GALNT18: variants seen among roughly 807,000 people sequenced by gnomAD.
GALNT18 encodes polypeptide N-acetylgalactosaminyltransferase 18.
A neutral mutation model predicts 69.5 loss-of-function variants in GALNT18; 44 were observed. The ratio of observed to expected loss-of-function variants is 0.63; its 90% CI spans 0.50 to 0.81. The LOEUF (loss-of-function observed/expected upper bound fraction) is 0.81. GALNT18 is among the 40% of genes least tolerant of loss of function. The probability of loss-of-function intolerance (pLI) is 0.00; values close to 1 mark genes in which losing one functional copy is unlikely to be tolerated. For missense variants in GALNT18, 715 were observed against 810.0 expected, an observed-to-expected ratio of 0.88 and a Z score of 1.42; for synonymous variants, 364 against 318.2, an observed-to-expected ratio of 1.14 and a Z score of -1.53.
chr11:11,350,890 G>A (rs1850388685), intron 6 of GALNT18, among the ~76,000 whole-genome samples: 2 of 152,336 alleles, frequency 1.3e-5, no homozygotes, highest in Admixed American at 6.5e-5. Flanking sequence ...TCAGGGGACT[G>A]TGTGAGCAAA....
rs1021541787 is a variant in GALNT18 at position 11,315,430 on chromosome 11, T to G, written c.1512+11656A>C. Among the ~76,000 whole-genome samples the G allele has an allele frequency of 1.3e-5, 2 of 152,090 alleles. No homozygotes were observed. Among genetic ancestry groups the G allele is most frequent in the Non-Finnish European group, 2.9e-5 (2 of 68,028 alleles). ...CTGAGCTCTGGAACACAGGCAAGGATACGTTAGGCATGGGTCTTCATGGAT... is the reference window on the plus strand; with the variant it reads ...CTGAGCTCTGGAACACAGGCAAGGAGACGTTAGGCATGGGTCTTCATGGAT... On this transcript the variant is annotated intron_variant, in intron 9 of 10. Coordinates refer to ENST00000227756, the MANE Select transcript of GALNT18 (RefSeq NM_198516.3). This position sits in a 1 kb window ranked among gnomAD's most constrained non-coding sequence, Gnocchi z 5.6.
At position 11,497,327 on chromosome 11, in the gene GALNT18, AACACACACACACACACACACAC is replaced by A. The variant is rs61001797; in HGVS notation, c.236-48413_236-48392del. Among the ~76,000 whole-genome samples, 1 of 132,230 alleles carries A rather than the reference AACACACACACACACACACACAC, an allele frequency of 7.6e-6. No individual in the cohort carries two copies. The highest frequency in any genetic ancestry group is 1.6e-5 in the Non-Finnish European group (1 of 63,204). 86.7% of individuals were successfully genotyped at this position (132,230 alleles called of 152,430 possible). On this transcript the variant is annotated intron_variant, in intron 1 of 10. Coordinates refer to ENST00000227756, the MANE Select transcript of GALNT18 (RefSeq NM_198516.3). The surrounding 1 kb of genome is among the most constrained non-coding windows in gnomAD (Gnocchi z 4.2). The stretch of plus-strand genomic sequence containing the variant: ...TATTTATGTTTTACCTCCTGTCTCC[AACACACACACACACACACACAC>A]ACACACACACACACACACACACCCC...
intron 1 of GALNT18, among the ~76,000 whole-genome samples, chr11:11,514,879 G>A (rs1857240247): frequency 6.6e-6 from 1 of 152,196 alleles, no homozygotes; most frequent in Non-Finnish European, 1.5e-5. Flanking sequence ...CAGAGGTTTG[G>A]TTGCTCATGG....
intron 1 of GALNT18, chr11:11,476,566 AGCTC>A (rs1297243945): frequency 6.6e-6 from 1 of 152,212 alleles, no homozygotes; most frequent in African/African-American, 2.4e-5. Context: ...TGCTATGGAC[AGCTC>A]CGGTGACAAG....
intron 3 of GALNT18, among the ~76,000 whole-genome samples, chr11:11,407,616 A>T (rs11021837): frequency 0.35 from 53,388 of 152,094 alleles, 10,127 homozygotes; most frequent in East Asian, 0.69. Context: ...GATTTAGGGG[A>T]CAGGAGAGGA....
intron 9 of GALNT18, among the ~76,000 whole-genome samples, chr11:11,325,575 A>G (rs1849902807): frequency 6.6e-6 from 1 of 152,226 alleles, no homozygotes; most frequent in Non-Finnish European, 1.5e-5. Flanking sequence ...AAGAAAATAT[A>G]TATTATATAG....
chr11:11,457,398 G>T (rs984297061), intron 1 of GALNT18, among the ~76,000 whole-genome samples: 1 of 152,214 alleles, frequency 6.6e-6, no homozygotes, highest in African/African-American at 2.4e-5. Flanking sequence ...GTGGTTTTTT[G>T]GAGGAACTGC....
At position 11,444,887 on chromosome 11, in the gene GALNT18, A is replaced by C. The variant is rs750748958; in HGVS notation, c.428+3857T>G. Among the ~76,000 whole-genome samples, 4 of 152,200 alleles carry C rather than the reference A, an allele frequency of 2.6e-5. No individual in the cohort carries two copies. The highest frequency in any genetic ancestry group is 9.6e-5 in the African/African-American group (4 of 41,460). ...GAGGCACAGGGGCTCCGGCTATGGC[A>C]AGAGCCACACAGCATGAATCTTCCA... On this transcript the variant is annotated intron_variant, in intron 2 of 10. Coordinates refer to ENST00000227756, the MANE Select transcript of GALNT18 (RefSeq NM_198516.3). This position sits in a 1 kb window ranked among gnomAD's most constrained non-coding sequence, Gnocchi z 4.4.
chr11:11,338,702 G>A lies in GALNT18; in HGVS notation c.1278+2117C>T, dbSNP rs905152686. Among the ~76,000 whole-genome samples, 1 of 152,154 alleles carries A rather than the reference G, an allele frequency of 6.6e-6. No individual in the cohort carries two copies. The highest frequency in any genetic ancestry group is 2.4e-5 in the African/African-American group (1 of 41,432). The stretch of plus-strand genomic sequence containing the variant: ...TCTGAAAGTGAAGGCAGAAATCAGG[G>A]GTAGAGATATTAATTAGGAAGGCAG... On this transcript the variant is annotated intron_variant, in intron 7 of 10. Transcript: ENST00000227756. The surrounding 1 kb of genome is among the most constrained non-coding windows in gnomAD (Gnocchi z 5.3).
intron 1 of GALNT18, among the ~76,000 whole-genome samples, chr11:11,498,724 G>A (rs971380462): frequency 2.0e-5 from 3 of 152,130 alleles, no homozygotes; most frequent in South Asian, 2.1e-4. Context: ...GCTTGAACCC[G>A]GGAGGCAGAG....
chr11:11,300,093 T>TAATA (rs1367764209), intron 9 of GALNT18, among the ~76,000 whole-genome samples: 18 of 152,344 alleles, frequency 1.2e-4, no homozygotes, highest in African/African-American at 4.1e-4. Flanking sequence ...TTACATTACT[T>TAATA]AATAATACAC....
chr11:11,288,966 G>A (rs931563000), intron 10 of GALNT18, among the ~76,000 whole-genome samples: 2 of 152,156 alleles, frequency 1.3e-5, no homozygotes, highest in Non-Finnish European at 2.9e-5. Flanking sequence ...TGCATAATGT[G>A]AAACCAGAAA....
chr11:11,291,191 G>A (rs1849290028), intron 10 of GALNT18, among the ~76,000 whole-genome samples: 1 of 152,060 alleles, frequency 6.6e-6, no homozygotes, highest in Admixed American at 6.5e-5. Flanking sequence ...CTCCCAGCTG[G>A]GGCATCTGGT....
chr11:11,609,882 C>T (rs7104225), intron 1 of GALNT18, among the ~76,000 whole-genome samples: 66,244 of 152,040 alleles, frequency 0.44, 15,471 homozygotes, highest in East Asian at 0.56. Context: ...TAGACCAGTC[C>T]CCCTTTTATG....
intron 1 of GALNT18, among the ~76,000 whole-genome samples, chr11:11,578,330 C>CAAAAAAAAAAAAAAAAAAAAAAAAAAAAA (rs57579910): frequency 8.3e-6 from 1 of 120,602 alleles, no homozygotes; most frequent in African/African-American, 3.5e-5. Flanking sequence ...TAAAAAGAAC[C>CAAAAAAAAAAAAAAAAAAAAAAAAAAAAA]AAAAAAAAAA....
chr11:11,447,055 T>A (rs113477054), intron 2 of GALNT18, among the ~76,000 whole-genome samples: 3 of 152,292 alleles, frequency 2.0e-5, no homozygotes, highest in African/African-American at 7.2e-5. Context: ...AATGATCTGC[T>A]TCCTGTTGCT....
In GALNT18 at chr11:11,427,541, T is replaced by C. The variant is rs1855161359; in HGVS notation, c.595+5080A>G. 2.0e-5 allele frequency among the ~76,000 whole-genome samples: 3 copies of C among 152,162 alleles called. 1 individual carries two copies. In the South Asian group the frequency reaches 6.2e-4, roughly 32 times the overall value. On this transcript the variant is annotated intron_variant, in intron 3 of 10. Transcript: ENST00000227756. ...GTTTTAAACACCAACATCCCTTCCA[T>C]TGTGTTATCTCATTCAAGCCTCCCA...
At chr11:11,487,594 C>A (rs1156902014) in intron 1 of GALNT18, among the ~76,000 whole-genome samples, 6 of 152,174 alleles carry the variant, frequency 3.9e-5, no homozygotes, top group African/African-American at 1.4e-4. Flanking sequence ...ATTTTTCTCT[C>A]CTCTCATTCG....
intron 10 of GALNT18, among the ~76,000 whole-genome samples, chr11:11,290,691 G>A (rs1459055666): frequency 1.3e-5 from 2 of 152,140 alleles, no homozygotes; most frequent in African/African-American, 2.4e-5. Flanking sequence ...ATTGTCTCCT[G>A]AGAAACCACC....
Sources: gnomAD v4.1 joint callset for allele counts (sites outside exome capture counted in the v4.1 genomes callset) on GRCh38, gnomAD v4.1.1 for gene constraint, Gnocchi (gnomAD v3.1) non-coding constraint, MANE v1.5 for transcripts, NCBI Gene and HGNC (gene_info 2026-07-23, HGNC 2026-07-21) for gene names.